The following BMPR2 variants were observed in gnomAD, a reference collection of about 807,000 sequenced individuals.
BMPR2 encodes the protein bone morphogenetic protein receptor type-2.
A neutral mutation model predicts 100.8 loss-of-function variants in BMPR2; 29 were observed. The ratio of observed to expected loss-of-function variants is 0.29; its 90% CI spans 0.21 to 0.39. The LOEUF is 0.39. Ranked by LOEUF, BMPR2 falls within the 10% of genes least tolerant of loss-of-function variation. The pLI, the probability that BMPR2 is intolerant of heterozygous loss-of-function variation, is 1.00. For missense variants in BMPR2, 1,011 were observed against 1,274.5 expected (o/e 0.79, Z 3.15); for synonymous variants, 382 against 442.3 (o/e 0.86, Z 1.71).
intron 1 of BMPR2, among the ~76,000 whole-genome samples, chr2:202,418,759 T>C (rs58275216): frequency 0.042 from 6,415 of 152,268 alleles, 472 homozygotes; most frequent in African/African-American, 0.15. Flanking sequence ...TGAAGCTTCC[T>C]TGTAGCAGGC....
chr2:202,377,967 ACAT>A (rs1690188079), intron 1 of BMPR2, among the ~76,000 whole-genome samples: 1 of 152,240 alleles, frequency 6.6e-6, no homozygotes, highest in South Asian at 2.1e-4. Flanking sequence ...AGTAAAAAGA[ACAT>A]CAACTAGAGA....
Position 202,397,086 on chromosome 2 carries a change from C to G in BMPR2, c.76+19536C>G, listed in dbSNP as rs561060100. On this transcript the variant is annotated intron_variant, in intron 1 of 12. Transcript: ENST00000374580. Reference sequence around the variant, plus strand: ...TGCTGGGATTACAGGCATGAGCCACCGTGCCCAGCCTGAGCAAGAAACTTT... The same window carrying G: ...TGCTGGGATTACAGGCATGAGCCACGGTGCCCAGCCTGAGCAAGAAACTTT... 9.1e-4 allele frequency among the ~76,000 whole-genome samples: 139 copies of G among 152,230 alleles called. 1 individual carries two copies. Among genetic ancestry groups the G allele is most frequent in the African/African-American group, 3.2e-3 (131 of 41,548 alleles).
chr2:202,467,558 A>T lies in BMPR2; in HGVS notation c.287A>T (p.Tyr96Phe). ...SHIGDPQECH[Y>F]EECVVTTTPP... ...ATTGGAGATCCCCAAGAGTGTCACTATGAAGAATGTGTAGTAACTACCACT... is the reference window on the plus strand; with the variant it reads ...ATTGGAGATCCCCAAGAGTGTCACTTTGAAGAATGTGTAGTAACTACCACT... The change falls in exon 3 of 13, where the codon TAT (tyrosine) becomes TTT (phenylalanine). Residue 96 changes from tyrosine to phenylalanine, a missense_variant. By Grantham distance (22) the Tyr-to-Phe change is conservative (BLOSUM62 3). Transcript: ENST00000374580. 1 of 1,570,196 alleles carries T rather than the reference A, an allele frequency of 6.4e-7. No individual in the cohort carries two copies. The highest frequency in any genetic ancestry group is 8.8e-7 in the Non-Finnish European group (1 of 1,140,084).
intron 10 of BMPR2, among the ~76,000 whole-genome samples, chr2:202,551,078 T>A (rs551973766): frequency 6.7e-6 from 1 of 148,710 alleles, no homozygotes; most frequent in Admixed American, 6.8e-5. Context: ...TGCCTCAGCA[T>A]CCCAAATAGC....
intron 7 of BMPR2, among the ~76,000 whole-genome samples, chr2:202,523,102 A>G (rs1368107399): frequency 1.3e-5 from 2 of 152,220 alleles, no homozygotes. Context: ...AAAAGATGAC[A>G]TACAAGCAGC....
chr2:202,450,689 C>G (rs1691961308), intron 1 of BMPR2, among the ~76,000 whole-genome samples: 1 of 109,568 alleles, frequency 9.1e-6, no homozygotes, highest in Non-Finnish European at 1.8e-5. Context: ...GAAACTCCAT[C>G]TCAAAAAAAA....
chr2:202,434,908 A>AATATATATATATATATATATATAT (rs1553500439), intron 1 of BMPR2, among the ~76,000 whole-genome samples: 6 of 38,416 alleles, frequency 1.6e-4, no homozygotes, highest in Non-Finnish European at 2.6e-4. Flanking sequence ...AAAAAAAAAA[A>AATATATATATATATATATATATAT]ATATATATAT....
intron 1 of BMPR2, among the ~76,000 whole-genome samples, chr2:202,432,748 G>C (rs1197968630): frequency 6.6e-6 from 1 of 150,490 alleles, no homozygotes; most frequent in Non-Finnish European, 1.5e-5. Context: ...AGGTACATCT[G>C]TTCTGTTTCT....
chr2:202,447,923 G>C (rs1691884971), intron 1 of BMPR2, among the ~76,000 whole-genome samples: 1 of 150,296 alleles, frequency 6.7e-6, no homozygotes, highest in Non-Finnish European at 1.5e-5. Flanking sequence ...TTAAGAGTAG[G>C]TAATGAGGAT....
chr2:202,402,361 A>G (rs980568811), intron 1 of BMPR2, among the ~76,000 whole-genome samples: 1 of 151,878 alleles, frequency 6.6e-6, no homozygotes, highest in African/African-American at 2.4e-5. Context: ...TACTAAAAAT[A>G]TAAAAAGTTA....
intron 9 of BMPR2, among the ~76,000 whole-genome samples, chr2:202,539,838 T>C (rs1032024309): frequency 1.3e-5 from 2 of 152,154 alleles, no homozygotes; most frequent in Admixed American, 6.5e-5. Flanking sequence ...TGGTATCTGA[T>C]AGTGCTAGAT....
At position 202,552,911 on chromosome 2, in the gene BMPR2, A is replaced by G. The variant is rs1223037354; in HGVS notation, c.1586+23A>G. ...ACGGTAAGACCCTAAGGGGTGTGGC[A>G]TCTATCAATCAGTATTAGAAACTGA... On this transcript the variant is annotated intron_variant, in intron 11 of 12. Transcript: ENST00000374580. 8 of 1,613,748 alleles carry G rather than the reference A, an allele frequency of 5.0e-6. No individual in the cohort carries two copies. The East Asian group carries it at 1.3e-4, about 27-fold the overall frequency.
In BMPR2 at chr2:202,474,401, C is replaced by T. The variant is rs143971220; in HGVS notation, c.418+6712C>T. Among the ~76,000 whole-genome samples, 449 of 151,864 alleles carry T rather than the reference C, an allele frequency of 3.0e-3. 2 individuals carry two copies. The highest frequency in any genetic ancestry group is 0.01 in the African/African-American group (435 of 41,436). ...AACCTGGGAAGTGAAGCGGAGGTTG[C>T]AGTAAGCTGAGATCGTGCCACTGCA... On this transcript the variant is annotated intron_variant, in intron 3 of 12. Coordinates refer to ENST00000374580, the MANE Select transcript of BMPR2 (RefSeq NM_001204.7).
chr2:202,558,561 TGACA>T (rs1688623519), intron 12 of BMPR2, among the ~76,000 whole-genome samples: 1 of 152,208 alleles, frequency 6.6e-6, no homozygotes, highest in Non-Finnish European at 1.5e-5. Flanking sequence ...ACAGATCAGT[TGACA>T]GACCTTTATT....
intron 1 of BMPR2, among the ~76,000 whole-genome samples, chr2:202,382,220 T>G (rs751207188): frequency 3.9e-5 from 6 of 151,930 alleles, no homozygotes; most frequent in Non-Finnish European, 8.8e-5. Context: ...CCATCATGCC[T>G]GGTTAATTTT....
rs1267952265 is a variant in BMPR2 at position 202,376,829 on chromosome 2, A to G, written c.-646A>G. 1.0e-5 allele frequency: 4 copies of G among 401,782 alleles called. No individual in the cohort carries two copies. The highest frequency in any genetic ancestry group is 2.1e-5 in the African/African-American group (1 of 48,182). 24.9% of individuals were successfully genotyped at this position (401,782 alleles called of 1,614,324 possible). ...TCGCCAGGGCCTCCCCAACCCTCTC[A>G]CGGTTGTTCTGCGAAGGCGTGGGGA... On this transcript the variant is annotated 5_prime_UTR_variant, in exon 1 of 13. Coordinates refer to ENST00000374580, the MANE Select transcript of BMPR2 (RefSeq NM_001204.7).
chr2:202,407,261 T>C (rs566936842), intron 1 of BMPR2, among the ~76,000 whole-genome samples: 5 of 151,916 alleles, frequency 3.3e-5, no homozygotes, highest in Admixed American at 3.3e-4. Flanking sequence ...GTATTTTTAT[T>C]AGAGACGGGA....
Position 202,532,858 on chromosome 2 carries a change from A to G in BMPR2, c.1276+126A>G. On this transcript the variant is annotated intron_variant, in intron 9 of 12. Transcript: ENST00000374580. The surrounding 1 kb of genome is among the most constrained non-coding windows in gnomAD (Gnocchi z 4.1). ...TTACTTTCATTTAAACCTTTAGTTC[A>G]TTGCTATCTAGTGTTTAGAAACATT... is the stretch of plus-strand genomic sequence containing the variant. The G allele has an allele frequency of 8.7e-7, 1 of 1,154,570 alleles. No homozygotes were observed. Among genetic ancestry groups the G allele is most frequent in the Non-Finnish European group, 1.2e-6 (1 of 818,612 alleles). The allele number at this position is 1,154,570 out of a possible 1,614,324, so 71.5% of individuals were successfully genotyped here.
intron 3 of BMPR2, among the ~76,000 whole-genome samples, chr2:202,481,855 A>G (rs1184274588): frequency 1.3e-5 from 2 of 152,216 alleles, no homozygotes; most frequent in African/African-American, 4.8e-5. Context: ...AATACACAAA[A>G]TGTGAAATTT....
Sources: gnomAD v4.1 joint callset for allele counts (sites outside exome capture counted in the v4.1 genomes callset) on GRCh38, gnomAD v4.1.1 for gene constraint, Gnocchi (gnomAD v3.1) non-coding constraint, MANE v1.5 for transcripts, NCBI Gene and HGNC (gene_info 2026-07-23, HGNC 2026-07-21) for gene names.